The following ADCY2 variants were observed in gnomAD, a reference collection of about 807,000 sequenced individuals.
The protein encoded by ADCY2 is adenylate cyclase type 2.
In ADCY2, 31 loss-of-function variants were observed where a neutral mutation model predicts 125.2. That is an observed-to-expected ratio of 0.25 (90% CI 0.19 to 0.33). The LOEUF (loss-of-function observed/expected upper bound fraction) is 0.33, where lower values mean the gene tolerates loss of function less well. ADCY2 is among the 10% of genes least tolerant of loss of function. ADCY2 has a pLI of 1.00. For synonymous variants in ADCY2, 512 were observed against 548.4 expected, an observed-to-expected ratio of 0.93 and a Z score of 0.93; for missense variants, 904 against 1,418.2, an observed-to-expected ratio of 0.64 and a Z score of 5.82.
At chr5:7,523,873 C>T (rs986524290) in intron 3 of ADCY2, among the ~76,000 whole-genome samples, 1 of 152,206 alleles carries the variant, frequency 6.6e-6, no homozygotes, top group African/African-American at 2.4e-5. Flanking sequence ...ATCACCCTGC[C>T]TTCTAAGCCA....
At chr5:7,501,638 T>TCCACCCC (rs1491185696) in intron 2 of ADCY2, among the ~76,000 whole-genome samples, 2 of 27,934 alleles carry the variant, frequency 7.2e-5, no homozygotes, top group Non-Finnish European at 1.3e-4. Flanking sequence ...AAGAATGAGA[T>TCCACCCC]TCCCCCCTCC....
intron 4 of ADCY2, chr5:7,657,895 A>G (rs1000518895): frequency 6.6e-6 from 1 of 152,270 alleles, no homozygotes; most frequent in African/African-American, 2.4e-5. Context: ...CAGGCAGAGC[A>G]GACAGCTGTG....
At chr5:7,660,914 A>T (rs75099784) in intron 4 of ADCY2, among the ~76,000 whole-genome samples, 12,304 of 152,272 alleles carry the variant, frequency 0.081, 586 homozygotes, top group Middle Eastern at 0.12. Flanking sequence ...TAGCTATGGG[A>T]GGTGAGGAAA....
At chr5:7,403,506 C>A (rs932646806) in intron 1 of ADCY2, among the ~76,000 whole-genome samples, 1 of 152,144 alleles carries the variant, frequency 6.6e-6, no homozygotes, top group African/African-American at 2.4e-5. Flanking sequence ...ATTTGATTCT[C>A]AGGCATAATC....
rs539101945 is a variant in ADCY2, at chr5:7,488,671, G to A, written c.409-32067G>A. Among the ~76,000 whole-genome samples the A allele has an allele frequency of 2.2e-4, 33 of 152,240 alleles. 1 individual carries two copies. Among genetic ancestry groups the A allele is most frequent in the East Asian group, 5.8e-4 (3 of 5,180 alleles). ...TGTGACAGATGACACTGGGGAGCAC[G>A]TTGAAGTGGAAGTTAGGTGATCAAA... On this transcript the variant is annotated intron_variant, in intron 2 of 24. Coordinates refer to ENST00000338316, the MANE Select transcript of ADCY2 (RefSeq NM_020546.3).
intron 7 of ADCY2, among the ~76,000 whole-genome samples, chr5:7,705,666 G>T (rs1245319095): frequency 6.6e-6 from 1 of 152,218 alleles, no homozygotes; most frequent in Non-Finnish European, 1.5e-5. Flanking sequence ...GTTTTGTGGG[G>T]CAGGAAGGAA....
intron 2 of ADCY2, among the ~76,000 whole-genome samples, chr5:7,451,206 C>A (rs1741457698): frequency 6.6e-6 from 1 of 152,066 alleles, no homozygotes; most frequent in Non-Finnish European, 1.5e-5. Context: ...TGGATATGGG[C>A]AAAATAAATT....
chr5:7,481,546 C>T (rs554169136), intron 2 of ADCY2, among the ~76,000 whole-genome samples: 32 of 152,210 alleles, frequency 2.1e-4, no homozygotes, highest in African/African-American at 7.2e-4. Flanking sequence ...GGATTACAGG[C>T]GTGAGCCACC....
chr5:7,494,123 G>C (rs1345374065), intron 2 of ADCY2, among the ~76,000 whole-genome samples: 1 of 152,102 alleles, frequency 6.6e-6, no homozygotes, highest in Non-Finnish European at 1.5e-5. Flanking sequence ...GCTGAGCTCT[G>C]GTGCTGACAT....
chr5:7,541,597 T>C (rs1734998298), intron 3 of ADCY2, among the ~76,000 whole-genome samples: 1 of 152,202 alleles, frequency 6.6e-6, no homozygotes, highest in Non-Finnish European at 1.5e-5. Flanking sequence ...AGGTGACCCA[T>C]ATCCATGTGA....
intron 14 of ADCY2, among the ~76,000 whole-genome samples, chr5:7,728,741 T>C (rs549923298): frequency 1.3e-5 from 2 of 152,308 alleles, no homozygotes; most frequent in Admixed American, 6.5e-5. Context: ...CATTAATTTT[T>C]CTACATCTTC....
At chr5:7,501,805 G>A (rs1469679969) in intron 2 of ADCY2, among the ~76,000 whole-genome samples, 1 of 152,048 alleles carries the variant, frequency 6.6e-6, no homozygotes, top group Non-Finnish European at 1.5e-5. Context: ...CCACCAGGCA[G>A]GGAGCCTGCA....
Position 7,512,218 on chromosome 5 carries a change from C to CAAAAAAAA in ADCY2, c.409-8505_409-8498dup, listed in dbSNP as rs57381383. Among the ~76,000 whole-genome samples the CAAAAAAAA allele has an allele frequency of 2.4e-3, 141 of 57,846 alleles. 7 individuals carry two copies. Among genetic ancestry groups the CAAAAAAAA allele is most frequent in the East Asian group, 0.024 (32 of 1,334 alleles). The allele number at this position is 57,846 out of a possible 152,430, so 37.9% of individuals were successfully genotyped here. ...CCTGGGCAGTAGAGCATGACTCCAT[C>CAAAAAAAA]AAAAAAAAAAAAAAAAAAAAAAGAA... On this transcript the variant is annotated intron_variant, in intron 2 of 24. Coordinates refer to ENST00000338316, the MANE Select transcript of ADCY2 (RefSeq NM_020546.3).
chr5:7,436,696 G>T (rs1740816239), intron 2 of ADCY2, among the ~76,000 whole-genome samples: 1 of 152,240 alleles, frequency 6.6e-6, no homozygotes, highest in African/African-American at 2.4e-5. Flanking sequence ...ATTGCCTGCA[G>T]GTGGCGGATC....
At chr5:7,746,565 T>C (rs985551858) in intron 15 of ADCY2, among the ~76,000 whole-genome samples, 2 of 152,196 alleles carry the variant, frequency 1.3e-5, no homozygotes, top group African/African-American at 2.4e-5. Flanking sequence ...TGGAGAAACA[T>C]TGTCACTTCC....
intron 2 of ADCY2, among the ~76,000 whole-genome samples, chr5:7,471,180 C>T (rs1166774626): frequency 6.6e-6 from 1 of 151,828 alleles, no homozygotes; most frequent in Non-Finnish European, 1.5e-5. Context: ...AGACAGCATA[C>T]ATCATGTTGG....
At chr5:7,444,348 C>A (rs1741148242) in intron 2 of ADCY2, among the ~76,000 whole-genome samples, 1 of 152,014 alleles carries the variant, frequency 6.6e-6, no homozygotes, top group Non-Finnish European at 1.5e-5. Flanking sequence ...ATCTCCTGAC[C>A]TGGTGATCCT....
chr5:7,617,496 A>T (rs931857290), intron 3 of ADCY2, among the ~76,000 whole-genome samples: 1 of 152,182 alleles, frequency 6.6e-6, no homozygotes, highest in Non-Finnish European at 1.5e-5. Context: ...AGTAGTAGTC[A>T]TAATCATAGC....
intron 2 of ADCY2, among the ~76,000 whole-genome samples, chr5:7,427,135 T>C (rs917052613): frequency 6.6e-6 from 1 of 152,148 alleles, no homozygotes; most frequent in Non-Finnish European, 1.5e-5. Context: ...CAATATTCTG[T>C]GATTTGCTGA....
Sources: allele counts gnomAD v4.1 joint callset (sites outside exome capture counted in the v4.1 genomes callset), GRCh38; gene constraint gnomAD v4.1.1; transcripts MANE v1.5; gene names NCBI Gene and HGNC (gene_info 2026-07-23, HGNC 2026-07-21).